The following GPR143 variants were observed in gnomAD, a reference collection of about 807,000 sequenced individuals.
GPR143 encodes the protein G-protein coupled receptor 143.
GPR143 carries 8 observed loss-of-function variants against 27.6 expected under a neutral mutation model. The observed-to-expected ratio is 0.29, with a 90% CI of 0.17 to 0.52. The LOEUF is 0.52. GPR143 is among the 20% of genes least tolerant of loss of function. The pLI, the probability that GPR143 is intolerant of heterozygous loss-of-function variation, is 0.96. For missense variants in GPR143, 303 were observed against 343.1 expected (o/e 0.88, Z 0.92); for synonymous variants, 156 against 153.2 (o/e 1.02, Z -0.13).
chrX:9,735,358 G>A (rs755661588), intron 8 of GPR143, among the ~76,000 whole-genome samples: 37 of 110,857 alleles, frequency 3.3e-4, no homozygotes, highest in Non-Finnish European at 5.3e-4. Flanking sequence ...AGCCACAACC[G>A]TCCCCAAACA....
chrX:9,755,148 T>C (rs2083468030), intron 3 of GPR143, among the ~76,000 whole-genome samples: 1 of 112,254 alleles, frequency 8.9e-6, no homozygotes, highest in African/African-American at 3.2e-5. Flanking sequence ...CCAGGCATGG[T>C]GGCTCAAGCC....
At chrX:9,777,747 G>GCCT (rs1172998367) in intron 1 of GPR143, among the ~76,000 whole-genome samples, 2 of 107,411 alleles carry the variant, frequency 1.9e-5, no homozygotes, top group South Asian at 4.1e-4. Flanking sequence ...TGGCCTTTTT[G>GCCT]TAATCCATTC....
At chrX:9,746,499 A>G (rs1029705760) in intron 4 of GPR143, among the ~76,000 whole-genome samples, 4 of 110,745 alleles carry the variant, frequency 3.6e-5, no homozygotes, top group Non-Finnish European at 5.7e-5. Flanking sequence ...AACGCAATTC[A>G]AGTAGAGACA....
At chrX:9,730,643 C>G (rs2083348943) in intron 8 of GPR143, among the ~76,000 whole-genome samples, 1 of 111,958 alleles carries the variant, frequency 8.9e-6, no homozygotes, top group Non-Finnish European at 1.9e-5. Context: ...ATGCATGGTG[C>G]TAGGTAAGGG....
upstream of GPR143, among the ~76,000 whole-genome samples, chrX:9,768,564 C>A (rs1214178072): frequency 8.9e-6 from 1 of 111,937 alleles, no homozygotes; most frequent in African/African-American, 3.2e-5. Context: ...CCTGTAGTTG[C>A]AGCTACTGGG....
chrX:9,747,866 C>T (rs1237087878), intron 4 of GPR143: 1 of 112,123 alleles, frequency 8.9e-6, no homozygotes. Context: ...AACGGAAGAA[C>T]GCCGGATTTG....
At position 9,725,588 on chromosome X, in the gene GPR143, A is replaced by T; in HGVS notation, c.*158T>A. The T allele has an allele frequency of 2.1e-6, 1 of 468,315 alleles. No individual in the cohort carries two copies. 38.6% of individuals were successfully genotyped at this position (468,315 alleles called of 1,213,427 possible). The stretch of plus-strand genomic sequence containing the variant: ...TGCATGAACCCTTTCTCCTATCCTA[A>T]AGGCCCTTCGGGAAGAAGCTCTAGC... On this transcript the variant is annotated 3_prime_UTR_variant, in exon 9 of 9. Coordinates refer to ENST00000467482, the MANE Select transcript of GPR143 (RefSeq NM_000273.3).
At chrX:9,737,139 A>G (rs942329476) in intron 8 of GPR143, among the ~76,000 whole-genome samples, 9 of 111,707 alleles carry the variant, frequency 8.1e-5, no homozygotes, top group Admixed American at 7.6e-4. Context: ...TCTATAAAAT[A>G]AATTTTAAAA....
intron 1 of GPR143, among the ~76,000 whole-genome samples, chrX:9,775,875 T>C (rs1394537642): frequency 1.8e-5 from 2 of 111,916 alleles, no homozygotes; most frequent in African/African-American, 6.5e-5. Flanking sequence ...TATACACATA[T>C]TACATATTTA....
At chrX:9,775,164 A>G (rs1453842060) in intron 1 of GPR143, among the ~76,000 whole-genome samples, 1 of 112,439 alleles carries the variant, frequency 8.9e-6, no homozygotes, top group Non-Finnish European at 1.9e-5. Flanking sequence ...GGTTTTGAAC[A>G]CAGACTTAGA....
intron 8 of GPR143, among the ~76,000 whole-genome samples, chrX:9,737,104 C>A (rs1457740061): frequency 1.8e-5 from 2 of 111,605 alleles, no homozygotes; most frequent in Non-Finnish European, 3.8e-5. Context: ...TAAGACCAAT[C>A]TGGGCAACAT....
At chrX:9,737,418 G>A (rs1340962903) in intron 8 of GPR143, among the ~76,000 whole-genome samples, 1 of 112,213 alleles carries the variant, frequency 8.9e-6, no homozygotes, top group Non-Finnish European at 1.9e-5. Flanking sequence ...GCTACAACAT[G>A]GGCGAATCTA....
At chrX:9,757,188 C>G (rs1164096915) in intron 3 of GPR143, among the ~76,000 whole-genome samples, 1 of 112,197 alleles carries the variant, frequency 8.9e-6, no homozygotes, top group East Asian at 2.8e-4. Flanking sequence ...CAAGGTATAG[C>G]AGATGTGATG....
chrX:9,765,559 C>A lies in GPR143; in HGVS notation c.250+9G>T. The A allele has an allele frequency of 9.3e-7, 1 of 1,080,173 alleles. No homozygotes were observed. Among genetic ancestry groups the A allele is most frequent in the Non-Finnish European group, 1.2e-6 (1 of 832,321 alleles). The allele number at this position is 1,080,173 out of a possible 1,213,427, so 89.0% of individuals were successfully genotyped here. A position where few individuals can be genotyped will look rare whatever the true frequency, so the allele number is the denominator to read the frequency against. ...CAGATTCCAACCCGCGGGCCGCGCG[C>A]GCCCTTACCCAGGCAGCCGAGAAGG... On this transcript the variant is annotated intron_variant, in intron 1 of 8. Coordinates refer to ENST00000467482, the MANE Select transcript of GPR143 (RefSeq NM_000273.3).
Position 9,725,584 on chromosome X carries a change from C to G in GPR143, c.*162G>C, listed in dbSNP as rs1184320048. ...TGTGTGCATGAACCCTTTCTCCTAT[C>G]CTAAAGGCCCTTCGGGAAGAAGCTC... On this transcript the variant is annotated 3_prime_UTR_variant, in exon 9 of 9. Coordinates refer to ENST00000467482, the MANE Select transcript of GPR143 (RefSeq NM_000273.3). 1 of 459,896 alleles carries G rather than the reference C, an allele frequency of 2.2e-6. No homozygotes were observed. Among genetic ancestry groups the G allele is most frequent in the Non-Finnish European group, 3.8e-6 (1 of 260,946 alleles). The allele number at this position is 459,896 out of a possible 1,213,427, so 37.9% of individuals were successfully genotyped here.
intron 1 of GPR143, among the ~76,000 whole-genome samples, chrX:9,774,790 CCTT>C (rs1168339957): frequency 8.9e-6 from 1 of 112,308 alleles, no homozygotes; most frequent in Non-Finnish European, 1.9e-5. Flanking sequence ...GACTTGAACC[CCTT>C]CTTCTCCTCC....
At chrX:9,750,417 C>CAT (rs2083446631) in intron 3 of GPR143, among the ~76,000 whole-genome samples, 1 of 109,542 alleles carries the variant, frequency 9.1e-6, no homozygotes, top group South Asian at 4.0e-4. Context: ...CTATGTTGCC[C>CAT]AGGCTGGTTT....
At chrX:9,747,288 G>A (rs1359964868) in intron 4 of GPR143, among the ~76,000 whole-genome samples, 1 of 110,813 alleles carries the variant, frequency 9.0e-6, no homozygotes, top group Non-Finnish European at 1.9e-5. Context: ...CGAGCGCCCT[G>A]GGTCAGGCGT....
intron 7 of GPR143, chrX:9,740,644 T>C (rs2083398924): frequency 3.4e-6 from 1 of 290,567 alleles, no homozygotes; most frequent in Non-Finnish European, 6.0e-6. Flanking sequence ...TAATTGTATA[T>C]ATTTGATTTC....
Sources: gnomAD v4.1 joint callset for allele counts (sites outside exome capture counted in the v4.1 genomes callset) on GRCh38, gnomAD v4.1.1 for gene constraint, MANE v1.5 for transcripts, NCBI Gene and HGNC (gene_info 2026-07-23, HGNC 2026-07-21) for gene names.